Variants in REDIC1 observed in about 807,000 individuals in gnomAD.
REDIC1 encodes the protein HEI10 Interacting Protein 1.
the REDIC1 span, among the ~76,000 whole-genome samples, chr12:39,669,647 A>G: frequency 6.6e-6 from 1 of 152,202 alleles, no homozygotes. Context: ...CCCTGCCCCC[A>G]GAGGTGGAGT....
the REDIC1 span, among the ~76,000 whole-genome samples, chr12:39,903,363 A>T: frequency 6.6e-6 from 1 of 152,156 alleles, no homozygotes; most frequent in Non-Finnish European, 1.5e-5. Flanking sequence ...CATTGAAGAC[A>T]TATTCATAAA....
the REDIC1 span, among the ~76,000 whole-genome samples, chr12:39,899,172 C>A: frequency 1.3e-5 from 2 of 152,084 alleles, no homozygotes; most frequent in African/African-American, 4.8e-5. Flanking sequence ...TGTTATTGGT[C>A]TATTCAGAGA....
chr12:39,646,893 G>A, the REDIC1 span: 5 of 1,581,142 alleles, frequency 3.2e-6, no homozygotes, highest in Non-Finnish European at 4.3e-6. Context: ...GTCCAGGTGA[G>A]ATTTTTAAAA....
At chr12:39,870,939 C>T in the REDIC1 span, among the ~76,000 whole-genome samples, 4 of 152,134 alleles carry the variant, frequency 2.6e-5, no homozygotes, top group Non-Finnish European at 5.9e-5. Flanking sequence ...GTTTTCGATA[C>T]AATTTGGTTA....
the REDIC1 span, among the ~76,000 whole-genome samples, chr12:39,699,423 T>C: frequency 6.6e-6 from 1 of 152,208 alleles, no homozygotes; most frequent in East Asian, 1.9e-4. Context: ...CAGGAGATTA[T>C]ATCCCGCACA....
At chr12:39,810,048 T>C in the REDIC1 span, among the ~76,000 whole-genome samples, 1 of 152,302 alleles carries the variant, frequency 6.6e-6, no homozygotes, top group Non-Finnish European at 1.5e-5. Flanking sequence ...GGGCAAATGG[T>C]ATTTCTAGTT....
chr12:39,752,346 G>A, the REDIC1 span, among the ~76,000 whole-genome samples: 1 of 152,112 alleles, frequency 6.6e-6, no homozygotes, highest in Non-Finnish European at 1.5e-5. Context: ...TCTAGGTTGT[G>A]CAGTCCTTAT....
the REDIC1 span, among the ~76,000 whole-genome samples, chr12:39,697,193 C>T: frequency 1.1e-4 from 17 of 152,168 alleles, no homozygotes; most frequent in African/African-American, 4.1e-4. Context: ...GCCTTACAAG[C>T]CGAGAGAGTG....
the REDIC1 span, among the ~76,000 whole-genome samples, chr12:39,833,352 T>A: frequency 6.1e-3 from 927 of 152,188 alleles, 38 homozygotes; most frequent in East Asian, 0.12. Context: ...GCCCTTTTTT[T>A]AAATTCCCTA....
chr12:39,899,529 A>T, the REDIC1 span, among the ~76,000 whole-genome samples: 1 of 151,924 alleles, frequency 6.6e-6, no homozygotes, highest in Non-Finnish European at 1.5e-5. Flanking sequence ...CTAGCTTTTG[A>T]ATGTGTTTGC....
At chr12:39,895,821 T>C in the REDIC1 span, among the ~76,000 whole-genome samples, 2 of 104,718 alleles carry the variant, frequency 1.9e-5, no homozygotes, top group African/African-American at 7.8e-5. Context: ...CGTACACACA[T>C]GTATATGCGT....
chr12:39,837,761 C>G, the REDIC1 span, among the ~76,000 whole-genome samples: 1 of 152,150 alleles, frequency 6.6e-6, no homozygotes, highest in Non-Finnish European at 1.5e-5. Context: ...CACTGGCCAT[C>G]AGAGAAATGC....
the REDIC1 span, among the ~76,000 whole-genome samples, chr12:39,905,441 C>A: frequency 6.6e-6 from 1 of 152,236 alleles, no homozygotes; most frequent in South Asian, 2.1e-4. Context: ...AAACTCCAGG[C>A]TGAATGTATC....
the REDIC1 span, among the ~76,000 whole-genome samples, chr12:39,628,007 T>C: frequency 6.6e-6 from 1 of 152,092 alleles, no homozygotes; most frequent in African/African-American, 2.4e-5. Flanking sequence ...ATTTTAGTAG[T>C]TATTTGGTAT....
chr12:39,660,999 A>G, the REDIC1 span, among the ~76,000 whole-genome samples: 2 of 151,990 alleles, frequency 1.3e-5, no homozygotes, highest in African/African-American at 2.4e-5. Flanking sequence ...TTCTTTTTTA[A>G]TGGATGGATA....
chr12:39,695,574 C>T, the REDIC1 span, among the ~76,000 whole-genome samples: 2 of 151,730 alleles, frequency 1.3e-5, no homozygotes, highest in African/African-American at 4.8e-5. Context: ...AGCTCAGCCC[C>T]AGTAAAATAG....
the REDIC1 span, among the ~76,000 whole-genome samples, chr12:39,895,765 CACATGTATATGCGTGTATACGT>C: frequency 7.5e-3 from 326 of 43,220 alleles, 67 homozygotes; most frequent in African/African-American, 0.02. Flanking sequence ...TATACGTACA[CACATGTATATGCGTGTATACGT>C]ACACACATGT....
At chr12:39,804,272 G>A in the REDIC1 span, among the ~76,000 whole-genome samples, 2 of 152,100 alleles carry the variant, frequency 1.3e-5, no homozygotes, top group African/African-American at 4.8e-5. Flanking sequence ...GAAGGCAAAA[G>A]TAGTTATCAA....
At chr12:39,896,380 G>A in the REDIC1 span, among the ~76,000 whole-genome samples, 5 of 134,424 alleles carry the variant, frequency 3.7e-5, no homozygotes, top group African/African-American at 6.1e-5. Flanking sequence ...ATACATATAT[G>A]TATGTATATG....
Sources: allele counts gnomAD v4.1 joint callset (sites outside exome capture counted in the v4.1 genomes callset), GRCh38; gene constraint gnomAD v4.1.1; transcripts MANE v1.5; gene names NCBI Gene and HGNC (gene_info 2026-07-23, HGNC 2026-07-21).